The following CACNA1A variants were observed in gnomAD, a reference collection of about 807,000 sequenced individuals.
The protein encoded by CACNA1A is calcium voltage-gated channel subunit alpha1 A, also known as voltage-dependent P/Q-type calcium channel subunit alpha-1A.
A neutral mutation model predicts 262.4 loss-of-function variants in CACNA1A; 57 were observed. The observed-to-expected ratio is 0.22, with a 90% CI of 0.18 to 0.27. The LOEUF (loss-of-function observed/expected upper bound fraction) is 0.27. Among genes scored for constraint, CACNA1A ranks in the 10% least tolerant of loss-of-function variants. CACNA1A has a pLI of 1.00. For synonymous variants in CACNA1A, 1,431 were observed against 1,419.3 expected (o/e 1.01, Z -0.18); for missense variants, 2,526 against 3,562.8 (o/e 0.71, Z 7.41).
intron 10 of CACNA1A, among the ~76,000 whole-genome samples, chr19:13,322,248 A>C (rs1343879478): frequency 6.6e-6 from 1 of 152,022 alleles, no homozygotes; most frequent in African/African-American, 2.4e-5. Flanking sequence ...CACAGAAAGA[A>C]GACCATATGA....
intron 1 of CACNA1A, among the ~76,000 whole-genome samples, chr19:13,480,655 C>T (rs754426641): frequency 2.0e-5 from 3 of 152,178 alleles, no homozygotes; most frequent in African/African-American, 7.2e-5. Flanking sequence ...AAAAGCGAGA[C>T]CTTGTCTCTA....
chr19:13,210,407 G>C (rs1485072977), intron 44 of CACNA1A, among the ~76,000 whole-genome samples: 1 of 152,196 alleles, frequency 6.6e-6, no homozygotes. Context: ...GGTGAGGATG[G>C]GGATGGCCCC....
chr19:13,488,637 T>G (rs1254762324), intron 1 of CACNA1A, among the ~76,000 whole-genome samples: 1 of 151,842 alleles, frequency 6.6e-6, no homozygotes, highest in Non-Finnish European at 1.5e-5. Flanking sequence ...TGACCTCAGG[T>G]GATCCACCCG....
intron 6 of CACNA1A, among the ~76,000 whole-genome samples, chr19:13,347,059 GT>G (rs1207564258): frequency 1.7e-5 from 1 of 58,394 alleles, no homozygotes; most frequent in African/African-American, 5.2e-5. Context: ...TGTTTTTTTT[GT>G]TTTTTTGTTT....
At position 13,277,209 on chromosome 19, in the gene CACNA1A, G is replaced by C. The variant is rs561563326; in HGVS notation, c.3823-81C>G. ...CCGGTAAAACTAACGATCGCCTACTGGGGAGCAGAGTTTCTACCCAGAAGA... is the reference window on the plus strand; with the variant it reads ...CCGGTAAAACTAACGATCGCCTACTCGGGAGCAGAGTTTCTACCCAGAAGA... On this transcript the variant is annotated intron_variant, in intron 22 of 46. Transcript: ENST00000360228. The C allele has an allele frequency of 1.6e-5, 15 of 955,020 alleles. No homozygotes were observed. The East Asian group carries it at 3.7e-4, about 24-fold the overall frequency. The allele number at this position is 955,020 out of a possible 1,614,324, so 59.2% of individuals were successfully genotyped here. A position where few individuals can be genotyped will look rare whatever the true frequency, so the allele number is the denominator to read the frequency against.
At chr19:13,401,071 G>A (rs1484788584) in intron 3 of CACNA1A, among the ~76,000 whole-genome samples, 1 of 152,024 alleles carries the variant, frequency 6.6e-6, no homozygotes, top group East Asian at 1.9e-4. Flanking sequence ...TGATCTGCCC[G>A]CCTCAGCCTC....
chr19:13,255,364 T>A, intron 28 of CACNA1A, 105 bp from the exon 29 acceptor site: 1 of 1,050,510 alleles, frequency 9.5e-7, no homozygotes, highest in Non-Finnish European at 1.3e-6. Flanking sequence ...TGCTTCTGCT[T>A]GAGTCTCTGC....
At chr19:13,326,294 G>A (rs186413419) in intron 10 of CACNA1A, among the ~76,000 whole-genome samples, 321 of 149,644 alleles carry the variant, frequency 2.1e-3, no homozygotes, top group African/African-American at 7.5e-3. Context: ...CCACCTGGGC[G>A]ACAGAGTAAG....
At chr19:13,465,476 T>TTTTTG (rs555429935) in intron 1 of CACNA1A, among the ~76,000 whole-genome samples, 61 of 152,196 alleles carry the variant, frequency 4.0e-4, no homozygotes, top group South Asian at 1.7e-3. Context: ...AGCATCAACT[T>TTTTTG]TTTTGTTTTG....
chr19:13,242,515 C>T (rs544584754), intron 31 of CACNA1A, among the ~76,000 whole-genome samples: 1 of 152,234 alleles, frequency 6.6e-6, no homozygotes, highest in Admixed American at 6.5e-5. Flanking sequence ...AGGCTGGTCT[C>T]GAACTCCTGA....
At position 13,359,637 on chromosome 19, in the gene CACNA1A, G is replaced by T; in HGVS notation, c.947C>A (p.Thr316Asn). The change falls in exon 6 of 47, where the codon ACC becomes AAC. Residue 316 changes from threonine to asparagine, a missense_variant. Physicochemically the swap from Thr to Asn is moderately conservative, Grantham distance 65. Around this residue, in one of 17 missense-constraint regions of CACNA1A, gnomAD observed 52 missense variants for 124.0 expected, o/e 0.42. Transcript: ENST00000360228. Reference sequence around the variant, plus strand: ...GAGGAGATCAGTCCACCCTTCCATGGTTATGCACTGGAAAACAGTCAGCAC... The same window carrying T: ...GAGGAGATCAGTCCACCCTTCCATGTTTATGCACTGGAAAACAGTCAGCAC... ...FAVLTVFQCI[T>N]MEGWTDLLYN... is the part of the protein sequence containing the mutation. The T allele has an allele frequency of 6.2e-7, 1 of 1,611,598 alleles. No homozygotes were observed. Among genetic ancestry groups the T allele is most frequent in the Non-Finnish European group, 8.5e-7 (1 of 1,178,856 alleles).
intron 22 of CACNA1A, among the ~76,000 whole-genome samples, chr19:13,282,703 G>A (rs1489569309): frequency 5.3e-5 from 8 of 151,878 alleles, no homozygotes; most frequent in East Asian, 3.9e-4. Flanking sequence ...GGGTTGGGGG[G>A]GCGCATTGTG....
At chr19:13,350,834 C>T (rs537127571) in intron 6 of CACNA1A, among the ~76,000 whole-genome samples, 1 of 152,224 alleles carries the variant, frequency 6.6e-6, no homozygotes, top group South Asian at 2.1e-4. Context: ...GAGAACATGT[C>T]TCTACCAAAA....
rs774776009 is a variant in CACNA1A, at chr19:13,207,640, G to A, written c.7194C>T (p.Ser2398=). The change falls in exon 47 of 47, where the codon TCC becomes TCT. Residue 2398 remains serine, a synonymous_variant. Transcript: ENST00000360228. The surrounding 1 kb of genome is among the most constrained non-coding windows in gnomAD (Gnocchi z 5.7). The part of the protein sequence containing the change: ...ARWPASGPHV[S]EGPPGPRHHG... ...GGTGCCGGGGACCCGGGGGCCCCTC[G>A]GACACGTGCGGGCCAGATGCCGGCC... The A allele has an allele frequency of 4.1e-6, 6 of 1,476,194 alleles. No homozygotes were observed. The highest frequency in any genetic ancestry group is 1.3e-5 in the South Asian group (1 of 78,720). 91.4% of individuals were successfully genotyped at this position (1,476,194 alleles called of 1,614,324 possible). A position where few individuals can be genotyped will look rare whatever the true frequency, so the allele number is the denominator to read the frequency against.
intron 3 of CACNA1A, among the ~76,000 whole-genome samples, chr19:13,387,889 T>C (rs1005013961): frequency 1.3e-5 from 2 of 152,132 alleles, no homozygotes; most frequent in East Asian, 3.8e-4. Context: ...CAGAGGAATG[T>C]CTGCAAATCA....
At position 13,303,832 on chromosome 19, in the gene CACNA1A, T is replaced by C. The variant is rs766300930; in HGVS notation, c.2039A>G (p.Gln680Arg). 6.2e-7 allele frequency: 1 copy of C among 1,613,372 alleles called. No homozygotes were observed. The highest frequency in any genetic ancestry group is 1.1e-5 in the South Asian group (1 of 91,042). ...CACCATGCCGCCCTGCACGCCCCCC[T>C]GAGACTTGATCCCGTCGTACATGAC... ...NEVMYDGIKS[Q>R]GGVQGGMVFS... The change falls in exon 16 of 47, where the codon CAG becomes CGG. Residue 680 changes from glutamine (Q) to arginine (R), a missense_variant. Physicochemically the swap from Gln to Arg is conservative, Grantham distance 43 (BLOSUM62 1). Transcript: ENST00000360228.
intron 8 of CACNA1A, 80 bp from the exon 9 acceptor site, chr19:13,333,005 G>A (rs1404549271): frequency 1.4e-5 from 15 of 1,106,070 alleles, no homozygotes; most frequent in Non-Finnish European, 1.6e-5. Flanking sequence ...GGGTCTGCCC[G>A]GCCACCCCCA....
intron 1 of CACNA1A, among the ~76,000 whole-genome samples, chr19:13,505,426 G>A (rs891511433): frequency 2.0e-5 from 3 of 152,052 alleles, no homozygotes; most frequent in Admixed American, 6.5e-5. Context: ...AAAGTGCGGC[G>A]GCCCCCCACC....
In CACNA1A at chr19:13,330,661, G is replaced by C. The variant is rs138481584; in HGVS notation, c.1256-328C>G. 2.1e-3 allele frequency among the ~76,000 whole-genome samples: 313 copies of C among 152,266 alleles called. 3 individuals carry two copies. The highest frequency in any genetic ancestry group is 0.015 in the East Asian group (79 of 5,176). ...TCACCCAGAGAGTGGTGTGATCTTGGCTTACTGCAACCTCTGCCTCCTGAG... is the reference window on the plus strand; with the variant it reads ...TCACCCAGAGAGTGGTGTGATCTTGCCTTACTGCAACCTCTGCCTCCTGAG... On this transcript the variant is annotated intron_variant, in intron 9 of 46. Coordinates refer to ENST00000360228, the MANE Select transcript of CACNA1A (RefSeq NM_001127222.2).
Sources: allele counts gnomAD v4.1 joint callset (sites outside exome capture counted in the v4.1 genomes callset), GRCh38; gene constraint gnomAD v4.1.1; regional missense constraint gnomAD v4.1.1; non-coding constraint Gnocchi (gnomAD v3.1); transcripts MANE v1.5; gene names NCBI Gene and HGNC (gene_info 2026-07-23, HGNC 2026-07-21).